The following DMRT3 variants were observed in gnomAD, a reference collection of about 807,000 sequenced individuals.
DMRT3 encodes doublesex and mab-3 related transcription factor 3, also known as doublesex- and mab-3-related transcription factor 3.
In DMRT3, 29 loss-of-function variants were observed where a neutral mutation model predicts 34.9. The observed-to-expected ratio is 0.83, with a 90% confidence interval of 0.62 to 1.13. The LOEUF (loss-of-function observed/expected upper bound fraction) is 1.13, where lower values mean the gene tolerates loss of function less well. Among genes scored for constraint, DMRT3 ranks in the 50% most tolerant of loss-of-function variants. DMRT3 has a pLI of 0.00. For synonymous variants in DMRT3, 350 were observed against 286.0 expected (o/e 1.22, Z -2.26); for missense variants, 772 against 629.1 (o/e 1.23, Z -2.43).
chr9:987,557 G>A (rs957642386), intron 1 of DMRT3, among the ~76,000 whole-genome samples: 14 of 152,088 alleles, frequency 9.2e-5, no homozygotes, highest in African/African-American at 3.4e-4. Flanking sequence ...TATACAATGT[G>A]TGTCATATTT....
At chr9:989,928 C>T in intron 1 of DMRT3, 113 bp from the exon 2 acceptor site, 2 of 1,354,452 alleles carry the variant, frequency 1.5e-6, no homozygotes, top group South Asian at 1.4e-5. Flanking sequence ...ATATTATGAC[C>T]CATTGAGATG....
At position 991,679 on chromosome 9, in the gene DMRT3, C is replaced by G. The variant is rs117902301; in HGVS notation, c.*674C>G. 0.015 allele frequency: 2,308 copies of G among 152,668 alleles called. 35 individuals carry two copies. Among genetic ancestry groups the G allele is most frequent in the Middle Eastern group, 0.027 (8 of 294 alleles). 9.5% of individuals were successfully genotyped at this position (152,668 alleles called of 1,614,324 possible). A position where few individuals can be genotyped will look rare whatever the true frequency, so the allele number is the denominator to read the frequency against. On this transcript the variant is annotated 3_prime_UTR_variant, in exon 2 of 2. Transcript: ENST00000190165. ...AAACGAACACAAGATTAAGCTTTGT[C>G]AGGTTAATGTAGCATGTTAAGGACT...
At position 990,154 on chromosome 9, in the gene DMRT3, T is replaced by G. The variant is rs370071012; in HGVS notation, c.568T>G (p.Phe190Val). The change falls in exon 2 of 2, where the codon TTC becomes GTC. Residue 190 changes from phenylalanine to valine, a missense_variant. By Grantham distance (50) the Phe-to-Val change is conservative (BLOSUM62 -1). Coordinates refer to ENST00000190165, the MANE Select transcript of DMRT3 (RefSeq NM_021240.4). ...SPDVAKSKGCFTPESPEIVSV... is the reference protein window; with the variant it reads ...SPDVAKSKGCVTPESPEIVSV... ...AGATGTGGCAAAGAGTAAGGGCTGCTTCACCCCTGAGAGCCCTGAGATAGT... is the reference window on the plus strand; with the variant it reads ...AGATGTGGCAAAGAGTAAGGGCTGCGTCACCCCTGAGAGCCCTGAGATAGT... The G allele has an allele frequency of 1.2e-6, 2 of 1,613,964 alleles. No individual in the cohort carries two copies. Among genetic ancestry groups the G allele is most frequent in the South Asian group, 2.2e-5 (2 of 91,060 alleles).
chr9:989,992 C>G, intron 1 of DMRT3, 49 bp from the exon 2 acceptor site: 2 of 1,597,344 alleles, frequency 1.3e-6, no homozygotes, highest in Non-Finnish European at 1.7e-6. Flanking sequence ...ACATCTGCTC[C>G]TCTTTATGCA....
At chr9:982,495 C>T (rs1479389001) in intron 1 of DMRT3, among the ~76,000 whole-genome samples, 1 of 152,290 alleles carries the variant, frequency 6.6e-6, no homozygotes, top group Admixed American at 6.5e-5. Flanking sequence ...TTACAGTAAT[C>T]ACAGGAGGAC....
At chr9:979,688 G>C (rs1479580112) in intron 1 of DMRT3, among the ~76,000 whole-genome samples, 1 of 152,116 alleles carries the variant, frequency 6.6e-6, no homozygotes, top group Admixed American at 6.6e-5. Context: ...AGGAAGACAG[G>C]CATACAAGTG....
intron 1 of DMRT3, among the ~76,000 whole-genome samples, chr9:979,740 G>C (rs984223561): frequency 6.6e-6 from 1 of 152,158 alleles, no homozygotes; most frequent in East Asian, 1.9e-4. Context: ...AGTCTATTTG[G>C]GGTTTAAGCT....
At chr9:988,409 GT>G (rs1820311320) in intron 1 of DMRT3, among the ~76,000 whole-genome samples, 1 of 152,208 alleles carries the variant, frequency 6.6e-6, no homozygotes, top group Non-Finnish European at 1.5e-5. Flanking sequence ...AAAGGCCAAA[GT>G]TTTGGTTTTT....
At chr9:989,922 T>C in intron 1 of DMRT3, 119 bp from the exon 2 acceptor site, 2 of 1,325,064 alleles carry the variant, frequency 1.5e-6, no homozygotes, top group Non-Finnish European at 2.1e-6. Context: ...TGTAGTATAT[T>C]ATGACCCATT....
rs758214504 is a variant in DMRT3 at position 977,105 on chromosome 9, A to G, written c.104A>G (p.His35Arg). The change falls in exon 1 of 2, where the codon CAT becomes CGT. Residue 35 changes from histidine (H) to arginine (R), a missense_variant. His to Arg is a conservative substitution (Grantham distance 29, BLOSUM62 0). Transcript: ENST00000190165. ...CCCAAGTGCGCGCGCTGCCGCAACCATGGCGTCCTGTCCTGGCTCAAGGGC... is the reference window on the plus strand; with the variant it reads ...CCCAAGTGCGCGCGCTGCCGCAACCGTGGCGTCCTGTCCTGGCTCAAGGGC... ...RTPKCARCRN[H>R]GVLSWLKGHK... is the part of the protein sequence containing the mutation. The G allele has an allele frequency of 4.4e-6, 7 of 1,607,876 alleles. No individual in the cohort carries two copies. The highest frequency in any genetic ancestry group is 3.4e-6 in the Non-Finnish European group (4 of 1,177,654).
chr9:986,839 C>T (rs1046141489), intron 1 of DMRT3, among the ~76,000 whole-genome samples: 19 of 148,708 alleles, frequency 1.3e-4, no homozygotes, highest in South Asian at 8.5e-4. Flanking sequence ...TCCAGTGAGC[C>T]GAGACCATGC....
At chr9:988,259 A>C (rs955122803) in intron 1 of DMRT3, among the ~76,000 whole-genome samples, 3 of 150,178 alleles carry the variant, frequency 2.0e-5, no homozygotes, top group Non-Finnish European at 4.4e-5. Flanking sequence ...TTTATATTAA[A>C]AAAGAAGCAG....
chr9:986,333 G>GA lies in DMRT3; in HGVS notation c.455-3698dup, dbSNP rs139004822. The stretch of plus-strand genomic sequence containing the variant: ...GGGACAGTATATCTGTTGCTACCTT[G>GA]AAAAAAAAAAGCCTCCATTTTTGTA... On this transcript the variant is annotated intron_variant, in intron 1 of 1. Coordinates refer to ENST00000190165, the MANE Select transcript of DMRT3 (RefSeq NM_021240.4). 9.0e-3 allele frequency among the ~76,000 whole-genome samples: 1,313 copies of GA among 146,348 alleles called. 26 individuals are homozygous for GA. Among genetic ancestry groups the GA allele is most frequent in the African/African-American group, 0.03 (1,216 of 40,130 alleles).
At chr9:981,758 T>G (rs1820223914) in intron 1 of DMRT3, among the ~76,000 whole-genome samples, 1 of 152,172 alleles carries the variant, frequency 6.6e-6, no homozygotes, top group Admixed American at 6.5e-5. Context: ...GCGGCCGCAA[T>G]GGACTGCCGT....
At chr9:983,805 A>G (rs1820249877) in intron 1 of DMRT3, among the ~76,000 whole-genome samples, 1 of 152,188 alleles carries the variant, frequency 6.6e-6, no homozygotes, top group Admixed American at 6.5e-5. Context: ...TCCTGTCTAT[A>G]GCAATATTCC....
chr9:986,634 T>G (rs35745304), intron 1 of DMRT3, among the ~76,000 whole-genome samples: 23,917 of 152,124 alleles, frequency 0.16, 2,700 homozygotes, highest in Non-Finnish European at 0.21. Context: ...GGCTGACTCC[T>G]GTAATCCCAG....
chr9:990,980 C>T lies in DMRT3; in HGVS notation c.1394C>T (p.Ser465Phe). ...DYDERSDSSD[S>F]RTLNTSS ...GACGAGAGGTCTGACTCCTCAGACTCTAGAACACTCAACACATCATCTTAA... is the reference window on the plus strand; with the variant it reads ...GACGAGAGGTCTGACTCCTCAGACTTTAGAACACTCAACACATCATCTTAA... Residue 465 changes from serine (S) to phenylalanine (F), a missense_variant, in exon 2 of 2, where the codon TCT becomes TTT. Physicochemically the swap from Ser to Phe is radical, Grantham distance 155. Coordinates refer to ENST00000190165, the MANE Select transcript of DMRT3 (RefSeq NM_021240.4). 1 of 1,613,262 alleles carries T rather than the reference C, an allele frequency of 6.2e-7. No individual in the cohort carries two copies. Among genetic ancestry groups the T allele is most frequent in the East Asian group, 2.2e-5 (1 of 44,844 alleles).
intron 1 of DMRT3, among the ~76,000 whole-genome samples, chr9:984,586 A>AT (rs1747580266): frequency 6.6e-6 from 1 of 151,868 alleles, no homozygotes; most frequent in South Asian, 2.1e-4. Context: ...CCTCCTGAGT[A>AT]GCTGGGACTA....
Position 991,142 on chromosome 9 carries a change from C to A in DMRT3, c.*137C>A. 8.6e-7 allele frequency: 1 copy of A among 1,166,392 alleles called. No individual in the cohort carries two copies. Among genetic ancestry groups the A allele is most frequent in the Non-Finnish European group, 1.2e-6 (1 of 834,538 alleles). The allele number at this position is 1,166,392 out of a possible 1,614,324, so 72.3% of individuals were successfully genotyped here. ...GACTGTGCTTGATTCTATACATTAGCAATAAAAACATAACTTATTTAACTT... is the reference window on the plus strand; with the variant it reads ...GACTGTGCTTGATTCTATACATTAGAAATAAAAACATAACTTATTTAACTT... On this transcript the variant is annotated 3_prime_UTR_variant, in exon 2 of 2. Coordinates refer to ENST00000190165, the MANE Select transcript of DMRT3 (RefSeq NM_021240.4).
Sources: allele counts gnomAD v4.1 joint callset (sites outside exome capture counted in the v4.1 genomes callset), GRCh38; gene constraint gnomAD v4.1.1; transcripts MANE v1.5; gene names NCBI Gene and HGNC (gene_info 2026-07-23, HGNC 2026-07-21).